Variants in OTOGL observed in about 807,000 individuals in gnomAD.
OTOGL encodes the protein otogelin like, also known as otogelin-like protein.
OTOGL carries 285 observed loss-of-function variants against 318.5 expected under a neutral mutation model. That is an observed-to-expected ratio of 0.89 (90% CI 0.81 to 0.99). The LOEUF (loss-of-function observed/expected upper bound fraction) is 0.99. Among genes scored for constraint, OTOGL ranks in the 50% least tolerant of loss-of-function variants. The pLI is 0.00. For missense variants in OTOGL, 2,899 were observed against 2,845.6 expected (o/e 1.02, Z -0.43); for synonymous variants, 987 against 936.5 (o/e 1.05, Z -0.99).
chr12:80,252,228 C>A, intron 13 of OTOGL, 27 bp downstream of exon 13: 1 of 1,585,954 alleles, frequency 6.3e-7, no homozygotes, highest in South Asian at 1.2e-5. Flanking sequence ...GAAACCATGT[C>A]TGCACTCATG....
intron 1 of OTOGL, among the ~76,000 whole-genome samples, chr12:80,179,592 C>T (rs570966867): frequency 6.6e-6 from 1 of 152,112 alleles, no homozygotes; most frequent in African/African-American, 2.4e-5. Flanking sequence ...GCAAGAGATT[C>T]CCAGGGTTCT....
At chr12:80,319,519 T>C (rs1887189077) in intron 33 of OTOGL, among the ~76,000 whole-genome samples, 1 of 152,206 alleles carries the variant, frequency 6.6e-6, no homozygotes, top group African/African-American at 2.4e-5. Flanking sequence ...ACCATCAAGT[T>C]CTAAATTACG....
intron 7 of OTOGL, 68 bp from the exon 8 acceptor site, chr12:80,229,189 A>G: frequency 2.0e-6 from 3 of 1,499,390 alleles, no homozygotes; most frequent in Non-Finnish European, 2.7e-6. Context: ...GTAAACATAC[A>G]TTGTGGTTTT....
chr12:80,262,880 TTGGCTAGTTCAC>T (rs1414668748), intron 19 of OTOGL, among the ~76,000 whole-genome samples: 2 of 152,172 alleles, frequency 1.3e-5, no homozygotes, highest in African/African-American at 4.8e-5. Context: ...TTTAATCATC[TTGGCTAGTTCAC>T]TATTTGGATG....
At chr12:80,256,795 A>T (rs1192375318) in intron 17 of OTOGL, among the ~76,000 whole-genome samples, 1 of 152,084 alleles carries the variant, frequency 6.6e-6, no homozygotes, top group Non-Finnish European at 1.5e-5. Context: ...AGAGGGGTGT[A>T]CTGAAATGGT....
At chr12:80,330,141 T>C (rs1404520452) in intron 37 of OTOGL, among the ~76,000 whole-genome samples, 3 of 152,090 alleles carry the variant, frequency 2.0e-5, no homozygotes, top group Admixed American at 6.5e-5. Flanking sequence ...TGCCGAAAGG[T>C]GGAGTGGAAG....
intron 1 of OTOGL, among the ~76,000 whole-genome samples, chr12:80,105,739 T>C (rs1296760581): frequency 6.6e-6 from 1 of 152,186 alleles, no homozygotes; most frequent in Non-Finnish European, 1.5e-5. Context: ...CCATTCAGAC[T>C]TTTTGATTTT....
Position 80,279,070 on chromosome 12 carries a change from C to T in OTOGL, c.2832C>T (p.Cys944=), listed in dbSNP as rs777484267. The T allele has an allele frequency of 1.3e-6, 2 of 1,592,694 alleles. No homozygotes were observed. Among genetic ancestry groups the T allele is most frequent in the South Asian group, 2.2e-5 (2 of 90,880 alleles). The change falls in exon 26 of 59, where the codon TGC becomes TGT. Residue 944 remains cysteine, a synonymous_variant. Coordinates refer to ENST00000547103, the MANE Select transcript of OTOGL (RefSeq NM_001378609.3). ...TGTTCAATTGCACATATTATCCATG[C>T]CCAGCAGTGTGCACAATATACGGGG... ...RGMFNCTYYP[C]PAVCTIYGDR...
At chr12:80,288,864 A>G (rs1884830146) in intron 26 of OTOGL, among the ~76,000 whole-genome samples, 1 of 151,930 alleles carries the variant, frequency 6.6e-6, no homozygotes, top group Non-Finnish European at 1.5e-5. Flanking sequence ...AGCTCTGAAG[A>G]GTTTGTTACT....
chr12:80,292,885 A>G (rs1031607428), intron 26 of OTOGL, among the ~76,000 whole-genome samples: 1 of 152,216 alleles, frequency 6.6e-6, no homozygotes, highest in Non-Finnish European at 1.5e-5. Flanking sequence ...TGTAATTTTA[A>G]CATACCAACG....
chr12:80,338,887 C>CA (rs910203908), intron 42 of OTOGL, among the ~76,000 whole-genome samples, 188 bp from the exon 43 acceptor site: 1 of 151,810 alleles, frequency 6.6e-6, no homozygotes, highest in Non-Finnish European at 1.5e-5. Flanking sequence ...TTGACTAGAG[C>CA]AAGGCACAGC....
At chr12:80,129,169 G>A (rs191226750) in intron 1 of OTOGL, among the ~76,000 whole-genome samples, 1 of 152,120 alleles carries the variant, frequency 6.6e-6, no homozygotes, top group South Asian at 2.1e-4. Flanking sequence ...TTCCTATTCG[G>A]CCATCTTGGC....
intron 1 of OTOGL, among the ~76,000 whole-genome samples, chr12:80,202,737 GT>G (rs1876546977): frequency 6.6e-6 from 1 of 152,166 alleles, no homozygotes; most frequent in African/African-American, 2.4e-5. Flanking sequence ...AGAAGGACAT[GT>G]TATTAGTCAG....
Position 80,370,684 on chromosome 12 carries a change from A to G in OTOGL, c.6730A>G (p.Lys2244Glu), listed in dbSNP as rs772260308. 3.2e-6 allele frequency: 5 copies of G among 1,573,628 alleles called. No individual in the cohort carries two copies. The highest frequency in any genetic ancestry group is 4.3e-6 in the Non-Finnish European group (5 of 1,156,028). The part of the protein sequence containing the change: ...VCPPFNETEC[K>E]MNEGIVKLYN... ...TCCCCCTTTTAATGAGACTGAATGCAAAATGGTTTGTACTTTGTTGTATCT... is the reference window on the plus strand; with the variant it reads ...TCCCCCTTTTAATGAGACTGAATGCGAAATGGTTTGTACTTTGTTGTATCT... The change falls in exon 56 of 59, where the codon AAA becomes GAA. Residue 2244 changes from lysine to glutamate, a missense_variant. By Grantham distance (56) the Lys-to-Glu change is moderately conservative (BLOSUM62 1). Around this residue, in one of 3 missense-constraint regions of OTOGL, gnomAD observed 289 missense variants for 304.6 expected, o/e 0.95. Coordinates refer to ENST00000547103, the MANE Select transcript of OTOGL (RefSeq NM_001378609.3).
intron 9 of OTOGL, 89 bp downstream of exon 9, chr12:80,233,186 G>T: frequency 8.0e-7 from 1 of 1,255,910 alleles, no homozygotes; most frequent in Non-Finnish European, 1.1e-6. Context: ...ACTTGTCATA[G>T]CTTTGGGAAA....
chr12:80,224,273 C>T (rs1004264659), intron 7 of OTOGL, among the ~76,000 whole-genome samples: 1 of 151,706 alleles, frequency 6.6e-6, no homozygotes, highest in African/African-American at 2.4e-5. Flanking sequence ...CTCTGTTGTT[C>T]TATATGACTG....
At chr12:80,230,637 A>T (rs1268753895) in intron 8 of OTOGL, among the ~76,000 whole-genome samples, 2 of 152,180 alleles carry the variant, frequency 1.3e-5, no homozygotes, top group African/African-American at 4.8e-5. Context: ...AGATTGTGTG[A>T]TAGAAAAAGG....
chr12:80,183,448 A>C lies in OTOGL; in HGVS notation c.-19-25965A>C, dbSNP rs1008518925. On this transcript the variant is annotated intron_variant, in intron 1 of 58. Coordinates refer to ENST00000547103, the MANE Select transcript of OTOGL (RefSeq NM_001378609.3). ...GGATAATTACGTCTATCACCTACTA[A>C]AATGGATAATAGAGATAGAATCAGG... Among the ~76,000 whole-genome samples the C allele has an allele frequency of 7.9e-5, 12 of 152,334 alleles. No homozygotes were observed. In the East Asian group the frequency reaches 1.5e-3, roughly 20 times the overall value.
chr12:80,378,176 G>T lies in OTOGL; in HGVS notation c.*128G>T. ...ACTGTATTTTTCAGACTTGGAATGT[G>T]GAAATTTAGCAATTTGTACAAAATA... is the stretch of plus-strand genomic sequence containing the variant. On this transcript the variant is annotated 3_prime_UTR_variant, in exon 59 of 59. Coordinates refer to ENST00000547103, the MANE Select transcript of OTOGL (RefSeq NM_001378609.3). 3.0e-6 allele frequency: 2 copies of T among 677,304 alleles called. No homozygotes were observed. Among genetic ancestry groups the T allele is most frequent in the Non-Finnish European group, 2.3e-6 (1 of 425,828 alleles). The allele number at this position is 677,304 out of a possible 1,614,324, so 42.0% of individuals were successfully genotyped here. A position where few individuals can be genotyped will look rare whatever the true frequency, so the allele number is the denominator to read the frequency against.
Sources: gnomAD v4.1 joint callset for allele counts (sites outside exome capture counted in the v4.1 genomes callset) on GRCh38, gnomAD v4.1.1 for gene constraint, gnomAD v4.1.1 regional missense constraint, MANE v1.5 for transcripts, NCBI Gene and HGNC (gene_info 2026-07-23, HGNC 2026-07-21) for gene names.